The following BCAT1 variants were observed in gnomAD, a reference collection of about 807,000 sequenced individuals.
BCAT1 encodes the protein branched-chain-amino-acid aminotransferase, cytosolic.
BCAT1 carries 48 observed loss-of-function variants against 52.4 expected under a neutral mutation model. That is an observed-to-expected ratio of 0.92 (90% CI 0.73 to 1.16). The LOEUF is 1.16. Among genes scored for constraint, BCAT1 ranks in the 50% most tolerant of loss-of-function variants. BCAT1 has a pLI of 0.00. For synonymous variants in BCAT1, 167 were observed against 161.3 expected (o/e 1.04, Z -0.27); for missense variants, 451 against 457.1 (o/e 0.99, Z 0.12).
At chr12:24,929,180 A>G (rs1389693273) in intron 1 of BCAT1, among the ~76,000 whole-genome samples, 1 of 152,034 alleles carries the variant, frequency 6.6e-6, no homozygotes, top group Admixed American at 6.6e-5. Flanking sequence ...GCTTCCCTAA[A>G]CTCTCTCTCT....
intron 1 of BCAT1, among the ~76,000 whole-genome samples, chr12:24,910,620 G>T (rs781404118): frequency 9.9e-5 from 15 of 152,020 alleles, no homozygotes; most frequent in Non-Finnish European, 1.6e-4. Flanking sequence ...TCTAACTATG[G>T]TTATTTTATT....
intron 5 of BCAT1, among the ~76,000 whole-genome samples, chr12:24,865,206 C>T (rs1305234460): frequency 1.3e-5 from 2 of 152,210 alleles, no homozygotes; most frequent in Admixed American, 6.5e-5. Flanking sequence ...TAGACTTTCA[C>T]ATCTATAGTA....
chr12:24,828,524 ATG>A (rs1940504532), intron 10 of BCAT1, among the ~76,000 whole-genome samples: 1 of 152,196 alleles, frequency 6.6e-6, no homozygotes, highest in Admixed American at 6.5e-5. Flanking sequence ...AACAACATAA[ATG>A]TTCAATAATA....
In BCAT1 at chr12:24,815,807, G is replaced by A. The variant is rs902122040; in HGVS notation, c.*2201C>T. The A allele has an allele frequency of 6.6e-6, 1 of 152,158 alleles. No homozygotes were observed. The highest frequency in any genetic ancestry group is 1.5e-5 in the Non-Finnish European group (1 of 68,022). 9.4% of individuals were successfully genotyped at this position (152,158 alleles called of 1,614,324 possible). ...GTTCTCTAACTTTCACAATGGACAA[G>A]TCTCGCCACAATAAATTTGGAGATG... On this transcript the variant is annotated 3_prime_UTR_variant, in exon 11 of 11. Coordinates refer to ENST00000261192, the MANE Select transcript of BCAT1 (RefSeq NM_005504.7).
chr12:24,813,455 T>C lies in BCAT1; in HGVS notation c.*4553A>G, dbSNP rs1240958955. ...AGCATGGTTCATAATAGATATTTTC[T>C]AGAAAAATTCACTCTAGGATCATTT... On this transcript the variant is annotated 3_prime_UTR_variant, in exon 11 of 11. Coordinates refer to ENST00000261192, the MANE Select transcript of BCAT1 (RefSeq NM_005504.7). The C allele has an allele frequency of 6.6e-6, 1 of 152,092 alleles. No individual in the cohort carries two copies. The highest frequency in any genetic ancestry group is 2.4e-5 in the African/African-American group (1 of 41,454). The allele number at this position is 152,092 out of a possible 1,614,324, so 9.4% of individuals were successfully genotyped here. A position where few individuals can be genotyped will look rare whatever the true frequency, so the allele number is the denominator to read the frequency against.
At chr12:24,926,439 G>T (rs1303647771) in intron 1 of BCAT1, among the ~76,000 whole-genome samples, 4 of 152,190 alleles carry the variant, frequency 2.6e-5, no homozygotes, top group African/African-American at 9.6e-5. Flanking sequence ...CTGCCCGGCC[G>T]CCACCCCGTC....
At chr12:24,829,777 A>AAAGAAAAGG (rs140151027) in intron 10 of BCAT1, 46 bp downstream of exon 10, 15 of 1,252,830 alleles carry the variant, frequency 1.2e-5, no homozygotes, top group South Asian at 2.9e-5. Flanking sequence ...TGACATAAAA[A>AAAGAAAAGG]AAAGAAAAGA....
At chr12:24,843,157 AAAAACAACT>A (rs1279289439) in intron 6 of BCAT1, among the ~76,000 whole-genome samples, 2 of 151,574 alleles carry the variant, frequency 1.3e-5, no homozygotes, top group Admixed American at 6.6e-5. Flanking sequence ...ACAAACAATG[AAAAACAACT>A]AAAACAACTA....
Position 24,817,122 on chromosome 12 carries a change from T to C in BCAT1, c.*886A>G, listed in dbSNP as rs1402631912. 6.6e-6 allele frequency: 1 copy of C among 152,352 alleles called. No individual in the cohort carries two copies. The highest frequency in any genetic ancestry group is 1.5e-5 in the Non-Finnish European group (1 of 68,158). The allele number at this position is 152,352 out of a possible 1,614,324, so 9.4% of individuals were successfully genotyped here. Reference sequence around the variant, plus strand: ...TAAACTAACTATGCTTCAGAGTATCTCTAATGACTTAGTAGCTCATGGAAA... The same window carrying C: ...TAAACTAACTATGCTTCAGAGTATCCCTAATGACTTAGTAGCTCATGGAAA... On this transcript the variant is annotated 3_prime_UTR_variant, in exon 11 of 11. Coordinates refer to ENST00000261192, the MANE Select transcript of BCAT1 (RefSeq NM_005504.7).
chr12:24,916,525 GTTTGCTTTTTGTTTT>G (rs1474722245), intron 1 of BCAT1, among the ~76,000 whole-genome samples: 1 of 151,758 alleles, frequency 6.6e-6, no homozygotes, highest in Admixed American at 6.6e-5. Context: ...TTTTTTGTTT[GTTTGCTTTTTGTTTT>G]TTTGTTTGTT....
In BCAT1 at chr12:24,901,738, C is replaced by T. The variant is rs954539111; in HGVS notation, c.78+76G>A. On this transcript the variant is annotated intron_variant, in intron 2 of 10. Transcript: ENST00000261192. ...TGGGTAACCCACACAGTGAAAATTT[C>T]CCCGAATCTCAACAAGAAATGGATT... 62 of 1,464,944 alleles carry T rather than the reference C, an allele frequency of 4.2e-5. 1 individual carries two copies. In the South Asian group the frequency reaches 7.1e-4, roughly 17 times the overall value. 90.7% of individuals were successfully genotyped at this position (1,464,944 alleles called of 1,614,324 possible).
chr12:24,825,011 G>A (rs954756437), intron 10 of BCAT1, among the ~76,000 whole-genome samples: 12 of 151,558 alleles, frequency 7.9e-5, no homozygotes, highest in African/African-American at 2.2e-4. Flanking sequence ...TTTGTCTTTC[G>A]GTCCCTCGCT....
At position 24,858,760 on chromosome 12, in the gene BCAT1, G is replaced by C. The variant is rs567579828; in HGVS notation, c.511-8811C>G. Among the ~76,000 whole-genome samples the C allele has an allele frequency of 3.1e-4, 47 of 152,318 alleles. 1 individual carries two copies. In the South Asian group the frequency reaches 9.5e-3, roughly 31 times the overall value. The stretch of plus-strand genomic sequence containing the variant: ...AGAGAAACAGTGTTACCTGCAAGGC[G>C]TGTAAGGAAAATAGAATGTGTTTTT... On this transcript the variant is annotated intron_variant, in intron 5 of 10. Transcript: ENST00000261192.
intron 6 of BCAT1, among the ~76,000 whole-genome samples, chr12:24,843,564 C>T (rs1435440560): frequency 6.6e-6 from 1 of 152,090 alleles, no homozygotes; most frequent in African/African-American, 2.4e-5. Context: ...GATAGCACCA[C>T]TGCACTCCAG....
At chr12:24,885,240 C>A (rs1942625570) in intron 3 of BCAT1, among the ~76,000 whole-genome samples, 1 of 151,896 alleles carries the variant, frequency 6.6e-6, no homozygotes, top group African/African-American at 2.4e-5. Context: ...TGGCCAGATG[C>A]AAAATTATAT....
At chr12:24,835,079 G>A (rs533773041) in intron 8 of BCAT1, among the ~76,000 whole-genome samples, 2 of 152,250 alleles carry the variant, frequency 1.3e-5, no homozygotes, top group African/African-American at 4.8e-5. Context: ...ACTTGTCGTC[G>A]AACCTTCTGT....
At chr12:24,859,704 T>A (rs1374329097) in intron 5 of BCAT1, among the ~76,000 whole-genome samples, 2 of 152,006 alleles carry the variant, frequency 1.3e-5, no homozygotes, top group African/African-American at 4.8e-5. Context: ...TACAGTGACC[T>A]GGGATTCGAT....
rs778610149 is a variant in BCAT1, at chr12:24,894,297, G to C, written c.257C>G (p.Ser86Ter). Reference protein sequence around the residue: ...LQNLSLHPGSSALHYAVELFE... With the variant: ...LQNLSLHPGS ...TACTTCCACTGCATAGTGCAAAGCT[G>C]ATGAGCCAGGGTGCAATGACAGGTT... The change falls in exon 3 of 11, where the codon TCA (serine) becomes TGA (stop). Residue 86 changes from serine to a stop codon, truncating the protein, a stop_gained. Transcript: ENST00000261192. LOFTEE classifies it high-confidence loss of function. 6.2e-7 allele frequency: 1 copy of C among 1,613,964 alleles called. No homozygotes were observed. Among genetic ancestry groups the C allele is most frequent in the East Asian group, 2.2e-5 (1 of 44,872 alleles).
intron 3 of BCAT1, among the ~76,000 whole-genome samples, chr12:24,893,354 A>C (rs886165021): frequency 5.9e-5 from 9 of 152,182 alleles, no homozygotes; most frequent in Non-Finnish European, 1.0e-4. Flanking sequence ...TATTATAACT[A>C]CCCCAATTTT....
Sources: gnomAD v4.1 joint callset for allele counts (sites outside exome capture counted in the v4.1 genomes callset) on GRCh38, gnomAD v4.1.1 for gene constraint, MANE v1.5 for transcripts, NCBI Gene and HGNC (gene_info 2026-07-23, HGNC 2026-07-21) for gene names.